The following RANBP17 variants were observed in gnomAD, a reference collection of about 807,000 sequenced individuals.
RANBP17 encodes ran-binding protein 17.
RANBP17 carries 158 observed loss-of-function variants against 141.2 expected under a neutral mutation model. The observed-to-expected ratio is 1.12, with a 90% CI of 0.98 to 1.28. The LOEUF (loss-of-function observed/expected upper bound fraction) is 1.28, where lower values mean the gene tolerates loss of function less well. Among genes scored for constraint, RANBP17 ranks in the 50% most tolerant of loss-of-function variants. RANBP17 has a pLI of 0.00. For missense variants in RANBP17, 1,438 were observed against 1,290.7 expected (o/e 1.11, Z -1.75); for synonymous variants, 430 against 450.0 (o/e 0.96, Z 0.56).
At chr5:171,077,699 G>T (rs369295984) in intron 14 of RANBP17, among the ~76,000 whole-genome samples, 14 of 152,316 alleles carry the variant, frequency 9.2e-5, no homozygotes, top group East Asian at 3.9e-4. Context: ...ATTTTGTGCT[G>T]TATTACTTTT....
At chr5:171,149,746 T>A (rs1238271981) in intron 14 of RANBP17, among the ~76,000 whole-genome samples, 1 of 152,234 alleles carries the variant, frequency 6.6e-6, no homozygotes, top group East Asian at 1.9e-4. Context: ...TGTGCTCTTT[T>A]GAAAATAATT....
chr5:170,913,173 G>A (rs1311729734), intron 7 of RANBP17, among the ~76,000 whole-genome samples: 3 of 151,966 alleles, frequency 2.0e-5, no homozygotes, highest in Non-Finnish European at 2.9e-5. Context: ...TATCCCTTAT[G>A]TACTTGCTCT....
At position 170,911,003 on chromosome 5, in the gene RANBP17, G is replaced by A. The variant is rs1227175461; in HGVS notation, c.629G>A (p.Cys210Tyr). 3 of 1,611,510 alleles carry A rather than the reference G, an allele frequency of 1.9e-6. No individual in the cohort carries two copies. The highest frequency in any genetic ancestry group is 1.7e-5 in the Admixed American group (1 of 59,816). Residue 210 changes from cysteine (C) to tyrosine (Y), a missense_variant, in exon 7 of 28, where the codon TGT (cysteine) becomes TAT (tyrosine). By Grantham distance (194) the Cys-to-Tyr change is radical. Coordinates refer to ENST00000523189, the MANE Select transcript of RANBP17 (RefSeq NM_022897.5). ...AAACCTTTAAATCTTCAGGATCAAT[G>A]TCAGCAAAATCTGGTAATGCAGGTC... Reference protein sequence around the residue: ...FAKPLNLQDQCQQNLVMQVLK... With the variant: ...FAKPLNLQDQYQQNLVMQVLK...
intron 25 of RANBP17, among the ~76,000 whole-genome samples, chr5:171,277,938 C>CCTTTTTTTTT (rs1554127986): frequency 2.8e-5 from 2 of 72,266 alleles, no homozygotes; most frequent in Admixed American, 2.5e-4. Flanking sequence ...GGACTTCTTT[C>CCTTTTTTTTT]TTTTTTTTTT....
At chr5:170,934,711 G>A (rs1029341650) in intron 12 of RANBP17, among the ~76,000 whole-genome samples, 1 of 152,168 alleles carries the variant, frequency 6.6e-6, no homozygotes, top group Non-Finnish European at 1.5e-5. Flanking sequence ...TGGGTAACCC[G>A]ACCTTTCTCT....
chr5:171,006,710 C>T (rs1012879008), intron 14 of RANBP17, among the ~76,000 whole-genome samples: 4 of 147,832 alleles, frequency 2.7e-5, no homozygotes, highest in African/African-American at 1.0e-4. Context: ...CAAATCTGCA[C>T]ATTGTGCACA....
At chr5:171,116,563 T>C (rs1421034835) in intron 14 of RANBP17, among the ~76,000 whole-genome samples, 1 of 152,194 alleles carries the variant, frequency 6.6e-6, no homozygotes, top group East Asian at 1.9e-4. Context: ...CACATAATAA[T>C]TGTGCATATT....
intron 13 of RANBP17, among the ~76,000 whole-genome samples, chr5:170,966,944 A>C (rs1011471637): frequency 1.3e-5 from 2 of 152,182 alleles, no homozygotes; most frequent in Non-Finnish European, 2.9e-5. Flanking sequence ...CCCATTCACA[A>C]TTGCTTCAAA....
intron 18 of RANBP17, among the ~76,000 whole-genome samples, chr5:171,186,438 C>T (rs1368996651): frequency 6.6e-6 from 1 of 151,858 alleles, no homozygotes; most frequent in Non-Finnish European, 1.5e-5. Flanking sequence ...TCTGCAACTT[C>T]CTCACCTCTC....
intron 24 of RANBP17, among the ~76,000 whole-genome samples, chr5:171,264,550 TAATAAC>T (rs1766542357): frequency 6.6e-6 from 1 of 152,194 alleles, no homozygotes; most frequent in African/African-American, 2.4e-5. Flanking sequence ...TAAATGGAGA[TAATAAC>T]AGTAACTATT....
chr5:170,936,785 T>C (rs759365144), intron 12 of RANBP17, among the ~76,000 whole-genome samples: 5 of 152,236 alleles, frequency 3.3e-5, no homozygotes, highest in Non-Finnish European at 7.3e-5. Context: ...TGTGTAATTA[T>C]ATTGTTTGCA....
chr5:171,125,409 AAAG>A (rs1175072544), intron 14 of RANBP17, among the ~76,000 whole-genome samples: 17 of 152,042 alleles, frequency 1.1e-4, no homozygotes, highest in Admixed American at 3.3e-4. Flanking sequence ...AAAAAAAAAA[AAAG>A]AGAGACAAAG....
chr5:171,210,035 G>A (rs1320097950), intron 20 of RANBP17, among the ~76,000 whole-genome samples: 1 of 152,206 alleles, frequency 6.6e-6, no homozygotes, highest in Non-Finnish European at 1.5e-5. Flanking sequence ...TTGGTATCCT[G>A]TAAGGCAGTG....
intron 14 of RANBP17, among the ~76,000 whole-genome samples, chr5:171,041,598 C>A (rs1015059560): frequency 6.6e-6 from 1 of 152,036 alleles, no homozygotes; most frequent in Non-Finnish European, 1.5e-5. Context: ...ACCTAGGCTG[C>A]GTGGTATAGC....
chr5:171,014,783 A>T (rs1033512225), intron 14 of RANBP17, among the ~76,000 whole-genome samples: 3 of 151,974 alleles, frequency 2.0e-5, no homozygotes, highest in African/African-American at 7.2e-5. Flanking sequence ...CCAGAGTTTC[A>T]TGTGGTATCA....
intron 14 of RANBP17, among the ~76,000 whole-genome samples, chr5:171,032,104 G>A (rs1216556158): frequency 6.6e-6 from 1 of 152,082 alleles, no homozygotes; most frequent in Non-Finnish European, 1.5e-5. Context: ...AGACCTTCCT[G>A]CAGACTACTA....
At chr5:170,976,036 AGG>A (rs1456992705) in intron 14 of RANBP17, among the ~76,000 whole-genome samples, 1 of 151,998 alleles carries the variant, frequency 6.6e-6, no homozygotes, top group Admixed American at 6.6e-5. Flanking sequence ...TAAAAAAAAA[AGG>A]AATCTAGGAA....
intron 13 of RANBP17, among the ~76,000 whole-genome samples, chr5:170,965,226 C>T (rs1426078304): frequency 7.1e-6 from 1 of 141,238 alleles, no homozygotes; most frequent in African/African-American, 2.5e-5. Flanking sequence ...ATGTCTTTTG[C>T]CCACTTTTTG....
At chr5:170,933,069 A>G (rs1581177260) in intron 12 of RANBP17, among the ~76,000 whole-genome samples, 1 of 152,100 alleles carries the variant, frequency 6.6e-6, no homozygotes, top group African/African-American at 2.4e-5. Context: ...TAGGCTATTA[A>G]TTATTGCCTC....
Sources: allele counts gnomAD v4.1 joint callset (sites outside exome capture counted in the v4.1 genomes callset), GRCh38; gene constraint gnomAD v4.1.1; transcripts MANE v1.5; gene names NCBI Gene and HGNC (gene_info 2026-07-23, HGNC 2026-07-21).